The following POLG variants were observed in gnomAD, a reference collection of about 807,000 sequenced individuals.
The protein encoded by POLG is DNA polymerase subunit gamma-1.
A neutral mutation model predicts 155.4 loss-of-function variants in POLG; 110 were observed. The observed-to-expected ratio is 0.71, with a 90% CI of 0.61 to 0.83. The LOEUF (loss-of-function observed/expected upper bound fraction) is 0.83. Ranked by LOEUF, POLG falls within the 40% of genes least tolerant of loss-of-function variation. The pLI is 0.00. For missense variants in POLG, 1,685 were observed against 1,627.5 expected (o/e 1.04, Z -0.61); for synonymous variants, 701 against 631.5 (o/e 1.11, Z -1.65).
chr15:89,320,293 C>T (rs772608079), intron 18 of POLG, among the ~76,000 whole-genome samples: 8 of 152,158 alleles, frequency 5.3e-5, no homozygotes, highest in Non-Finnish European at 8.8e-5. Flanking sequence ...GTATGCAGTA[C>T]GATCAGAGGA....
intron 19 of POLG, 54 bp downstream of exon 19, chr15:89,319,174 T>A (rs1483025949): frequency 6.2e-7 from 1 of 1,614,200 alleles, no homozygotes; most frequent in Non-Finnish European, 8.5e-7. Flanking sequence ...TCCAAGCTCT[T>A]CTGGGGCAAG....
Position 89,333,760 on chromosome 15 carries a change from G to T in POLG, c.-6C>A. On this transcript the variant is annotated 5_prime_UTR_variant, in exon 2 of 23. Transcript: ENST00000268124. ...CTCCAGAGCAGGCGGCTCATGGTTG[G>T]TGCAGGGACCCCCACGCTGGGAGTC... 6.5e-7 allele frequency: 1 copy of T among 1,535,084 alleles called. No homozygotes were observed. Among genetic ancestry groups the T allele is most frequent in the African/African-American group, 1.4e-5 (1 of 73,132 alleles).
In POLG at chr15:89,324,236, A is replaced by G. The variant is rs780378329; in HGVS notation, c.1950-9T>C. The G allele has an allele frequency of 5.7e-5, 92 of 1,611,710 alleles. No individual in the cohort carries two copies. Among genetic ancestry groups the G allele is most frequent in the Non-Finnish European group, 7.2e-5 (85 of 1,180,026 alleles). On this transcript the variant is annotated splice_polypyrimidine_tract_variant and intron_variant, in intron 10 of 22. Transcript: ENST00000268124. ...ACAGGGACTCGATGGCTCTGGGCAG[A>G]GAACAGTAGCAGCAGCAGCCGCTGA...
rs756376617 is a variant in POLG at position 89,326,957 on chromosome 15, G to C, written c.1540C>G (p.Pro514Ala). The change falls in exon 8 of 23, where the codon CCC becomes GCC. Residue 514 changes from proline (P) to alanine (A), a missense_variant. Pro to Ala is a conservative substitution (Grantham distance 27). Coordinates refer to ENST00000268124, the MANE Select transcript of POLG (RefSeq NM_002693.3). ...KKEPATASKLPIEGAGAPGDP... is the reference protein window; with the variant it reads ...KKEPATASKLAIEGAGAPGDP... ...CCAGGGGCCCCAGCCCCCTCGATGG[G>C]CAACTTGCTGGCTGTGGCTGGTTCC... 4 of 1,614,194 alleles carry C rather than the reference G, an allele frequency of 2.5e-6. No homozygotes were observed. The highest frequency in any genetic ancestry group is 3.4e-6 in the Non-Finnish European group (4 of 1,180,048).
rs1443178216 is a variant in POLG, at chr15:89,317,602, G to T, written c.3483-66C>A. 2.0e-6 allele frequency: 3 copies of T among 1,486,978 alleles called. No homozygotes were observed. The African/African-American group carries it at 4.1e-5, about 21-fold the overall frequency. The allele number at this position is 1,486,978 out of a possible 1,614,324, so 92.1% of individuals were successfully genotyped here. A position where few individuals can be genotyped will look rare whatever the true frequency, so the allele number is the denominator to read the frequency against. The stretch of plus-strand genomic sequence containing the variant: ...TGTGAACAGATGCATCACTCCTGGA[G>T]CAATGACCCCACACCCCTTAGAGCA... On this transcript the variant is annotated intron_variant, in intron 21 of 22. Transcript: ENST00000268124.
chr15:89,325,848 G>A (rs3176189), intron 9 of POLG, among the ~76,000 whole-genome samples, 162 bp from the exon 10 acceptor site: 1 of 152,134 alleles, frequency 6.6e-6, no homozygotes, highest in Non-Finnish European at 1.5e-5. Flanking sequence ...GCTTTAGCCA[G>A]GACCCCCATG....
At chr15:89,332,790 G>C (rs1567193701) in intron 2 of POLG, among the ~76,000 whole-genome samples, 1 of 152,110 alleles carries the variant, frequency 6.6e-6, no homozygotes, top group South Asian at 2.1e-4. Context: ...TATTAGGAGA[G>C]GGGGTAAAGG....
In POLG at chr15:89,323,825, G is replaced by T; in HGVS notation, c.2147C>A (p.Pro716His). ...CGGCGCACTGCTCACCAGAGCTAGG[G>T]GTTGACCTGGCACTGCAGCTCGCAA... ...ENLRAAVPGQ[P>H]LALTARGGPK... is the part of the protein sequence containing the mutation. The change falls in exon 12 of 23, where the codon CCC (proline) becomes CAC (histidine). Residue 716 changes from proline to histidine, a missense_variant. Transcript: ENST00000268124. 6.2e-7 allele frequency: 1 copy of T among 1,613,372 alleles called. No homozygotes were observed. The highest frequency in any genetic ancestry group is 1.3e-5 in the African/African-American group (1 of 75,016).
intron 21 of POLG, 42 bp downstream of exon 21, chr15:89,318,499 T>A: frequency 6.4e-7 from 1 of 1,561,208 alleles, no homozygotes; most frequent in Middle Eastern, 2.3e-4. Flanking sequence ...AAGCCCCACA[T>A]AGGAGCACAT....
chr15:89,329,112 TGAG>T lies in POLG; in HGVS notation c.856-5_856-3del, dbSNP rs200056162. ...GTCCAGGAAACGCATGCGGGAACCCTGAGGAGGAGGAGGAGAAAAGGGAAGGGA... is the reference window on the plus strand; with the variant it reads ...GTCCAGGAAACGCATGCGGGAACCCTGAGGAGGAGGAGAAAAGGGAAGGGA... On this transcript the variant is annotated splice_polypyrimidine_tract_variant and splice_region_variant and intron_variant, in intron 3 of 22. Coordinates refer to ENST00000268124, the MANE Select transcript of POLG (RefSeq NM_002693.3). 3.8e-4 allele frequency: 605 copies of T among 1,609,682 alleles called. 2 individuals carry two copies. The African/African-American group carries it at 6.1e-3, about 16-fold the overall frequency.
chr15:89,333,543 T>C lies in POLG; in HGVS notation c.212A>G (p.His71Arg). 7 of 1,612,662 alleles carry C rather than the reference T, an allele frequency of 4.3e-6. No individual in the cohort carries two copies. Among genetic ancestry groups the C allele is most frequent in the Non-Finnish European group, 5.9e-6 (7 of 1,179,682 alleles). The change falls in exon 2 of 23, where the codon CAC becomes CGC. Residue 71 changes from histidine to arginine, a missense_variant. By Grantham distance (29) the His-to-Arg change is conservative (BLOSUM62 0). Around this residue, in one of 3 missense-constraint regions of POLG, gnomAD observed 1,210 missense variants for 1,167.1 expected, o/e 1.04. Transcript: ENST00000268124. The stretch of plus-strand genomic sequence containing the variant: ...GAGCATCTGGATGTCCAATGGGTTG[T>C]GCCGCAGCTGCCCGCCCTCCGAGGA... Reference protein sequence around the residue: ...VLSSEGGQLRHNPLDIQMLSR... With the variant: ...VLSSEGGQLRRNPLDIQMLSR...
chr15:89,316,881 G>C (rs896704748), intron 22 of POLG, 54 bp from the exon 23 acceptor site: 11 of 1,292,902 alleles, frequency 8.5e-6, no homozygotes, highest in African/African-American at 2.9e-5. Context: ...GTAACTGAGA[G>C]CTCAGAAGTG....
At chr15:89,322,642 T>C (rs770346218) in intron 14 of POLG, 100 bp downstream of exon 14, 16 of 1,324,050 alleles carry the variant, frequency 1.2e-5, no homozygotes, top group East Asian at 2.3e-5. Context: ...CTCTAGACCA[T>C]AGTCAGGCTG....
chr15:89,327,772 T>A (rs2055542077), intron 6 of POLG, among the ~76,000 whole-genome samples: 1 of 152,170 alleles, frequency 6.6e-6, no homozygotes, highest in South Asian at 2.1e-4. Flanking sequence ...CTTACACATT[T>A]ATTTTCTTCA....
In POLG at chr15:89,323,578, A is replaced by G. The variant is rs915021127; in HGVS notation, c.2158-67T>C. ...CTGCATTCAGCAAGGGCCATGGGGTAGGGGGTGGGAAAAGGGCCTGAAACT... is the reference window on the plus strand; with the variant it reads ...CTGCATTCAGCAAGGGCCATGGGGTGGGGGGTGGGAAAAGGGCCTGAAACT... On this transcript the variant is annotated intron_variant, in intron 12 of 22. Transcript: ENST00000268124. 7.7e-5 allele frequency: 82 copies of G among 1,070,062 alleles called. 1 individual carries two copies. The South Asian group carries it at 9.2e-4, about 12-fold the overall frequency. The allele number at this position is 1,070,062 out of a possible 1,614,324, so 66.3% of individuals were successfully genotyped here.
In POLG at chr15:89,319,222, TCTTA is replaced by T. The variant is rs761664802; in HGVS notation, c.3104+2_3104+5del. On this transcript the variant is annotated splice_donor_variant and splice_donor_5th_base_variant and intron_variant, in intron 19 of 22. Transcript: ENST00000268124. LOFTEE classifies it high-confidence loss of function. ...CCTCCATCCTTAACACAAAGAAGGT[TCTTA>T]CTTCCTTGCAGTTTCTCTCTGGACC... The T allele has an allele frequency of 1.9e-6, 3 of 1,614,038 alleles. No individual in the cohort carries two copies. Among genetic ancestry groups the T allele is most frequent in the African/African-American group, 1.3e-5 (1 of 74,922 alleles).
In POLG at chr15:89,323,834, G is replaced by A. The variant is rs1475972799; in HGVS notation, c.2138C>T (p.Pro713Leu). 1 of 1,613,732 alleles carries A rather than the reference G, an allele frequency of 6.2e-7. No homozygotes were observed. Among genetic ancestry groups the A allele is most frequent in the South Asian group, 1.1e-5 (1 of 91,074 alleles). The change falls in exon 12 of 23, where the codon CCA becomes CTA. Residue 713 changes from proline (P) to leucine (L), a missense_variant. Physicochemically the swap from Pro to Leu is moderately conservative, Grantham distance 98 (BLOSUM62 -3). Transcript: ENST00000268124. ...GCTCACCAGAGCTAGGGGTTGACCTGGCACTGCAGCTCGCAAGTTCTCCAT... is the reference window on the plus strand; with the variant it reads ...GCTCACCAGAGCTAGGGGTTGACCTAGCACTGCAGCTCGCAAGTTCTCCAT... The part of the protein sequence containing the change: ...AKMENLRAAV[P>L]GQPLALTARG...
intron 18 of POLG, among the ~76,000 whole-genome samples, chr15:89,320,277 C>G (rs3176217): frequency 1.3e-5 from 2 of 152,208 alleles, no homozygotes; most frequent in Admixed American, 1.3e-4. Flanking sequence ...AGGCCCTGAG[C>G]ACACAGTATG....
intron 6 of POLG, 117 bp from the exon 7 acceptor site, chr15:89,327,466 C>G: frequency 1.1e-6 from 1 of 893,788 alleles, no homozygotes; most frequent in Non-Finnish European, 1.8e-6. Flanking sequence ...GCTCAAAAGT[C>G]AGACGGCATT....
Sources: allele counts gnomAD v4.1 joint callset (sites outside exome capture counted in the v4.1 genomes callset), GRCh38; gene constraint gnomAD v4.1.1; regional missense constraint gnomAD v4.1.1; transcripts MANE v1.5; gene names NCBI Gene and HGNC (gene_info 2026-07-23, HGNC 2026-07-21).